Variants in RBM47 observed in about 807,000 individuals in gnomAD.
The protein encoded by RBM47 is RNA-binding protein 47.
RBM47 carries 21 observed loss-of-function variants against 47.1 expected under a neutral mutation model. The observed-to-expected ratio is 0.45, with a 90% CI of 0.32 to 0.64. The LOEUF (loss-of-function observed/expected upper bound fraction) is 0.64. RBM47 is among the 30% of genes least tolerant of loss of function. RBM47 has a pLI of 0.05. For missense variants in RBM47, 708 were observed against 870.9 expected (o/e 0.81, Z 2.35); for synonymous variants, 375 against 361.7 (o/e 1.04, Z -0.42).
chr4:40,575,640 G>C (rs75040643), intron 1 of RBM47, among the ~76,000 whole-genome samples: 3,646 of 151,908 alleles, frequency 0.024, 65 homozygotes, highest in Non-Finnish European at 0.036. Flanking sequence ...AATACTTAAT[G>C]GTTTTGTCCT....
chr4:40,467,489 T>A (rs1718232059), intron 2 of RBM47, among the ~76,000 whole-genome samples: 1 of 151,846 alleles, frequency 6.6e-6, no homozygotes, highest in Non-Finnish European at 1.5e-5. Flanking sequence ...TGGGGTTTCA[T>A]CATGTTGGCC....
At chr4:40,509,834 G>A (rs1268334052) in intron 2 of RBM47, among the ~76,000 whole-genome samples, 1 of 151,632 alleles carries the variant, frequency 6.6e-6, no homozygotes, top group East Asian at 1.9e-4. Context: ...AGTGAGCGGA[G>A]ATTGCGCCAC....
At chr4:40,590,115 G>C (rs543895558) in intron 1 of RBM47, among the ~76,000 whole-genome samples, 6 of 152,342 alleles carry the variant, frequency 3.9e-5, no homozygotes, top group African/African-American at 1.4e-4. Context: ...AGAGTTGCCA[G>C]ATCGGGGAAT....
rs555207429 is a variant in RBM47, at chr4:40,570,186, G to A, written c.-239-25680C>T. Among the ~76,000 whole-genome samples the A allele has an allele frequency of 1.3e-5, 2 of 151,888 alleles. 1 individual carries two copies. Among genetic ancestry groups the A allele is most frequent in the Non-Finnish European group, 2.9e-5 (2 of 67,868 alleles). On this transcript the variant is annotated intron_variant, in intron 1 of 6. Transcript: ENST00000295971. ...AGGGGTGAGAATGGTGAAGGGAGAAGTGATGGTTTGGGGATGATTCAAGCA... is the reference window on the plus strand; with the variant it reads ...AGGGGTGAGAATGGTGAAGGGAGAAATGATGGTTTGGGGATGATTCAAGCA...
At chr4:40,526,258 C>T (rs1022117952) in intron 2 of RBM47, among the ~76,000 whole-genome samples, 2 of 152,150 alleles carry the variant, frequency 1.3e-5, no homozygotes, top group African/African-American at 4.8e-5. Flanking sequence ...TGTAGTATTT[C>T]AATACAAAGC....
Position 40,593,089 on chromosome 4 carries a change from G to C in RBM47, c.-240+36307C>G, listed in dbSNP as rs534180053. 3.8e-4 allele frequency among the ~76,000 whole-genome samples: 52 copies of C among 137,438 alleles called. 1 individual carries two copies. In the South Asian group the frequency reaches 5.1e-3, roughly 14 times the overall value. The allele number at this position is 137,438 out of a possible 152,430, so 90.2% of individuals were successfully genotyped here. ...TGGCTCACTGCAAGTCCGCCTCCCAGGTTCACGCCATTCTCCTGCCTCAGC... is the reference window on the plus strand; with the variant it reads ...TGGCTCACTGCAAGTCCGCCTCCCACGTTCACGCCATTCTCCTGCCTCAGC... On this transcript the variant is annotated intron_variant, in intron 1 of 6. Coordinates refer to ENST00000295971, the MANE Select transcript of RBM47 (RefSeq NM_001098634.2).
At chr4:40,432,203 T>TACACACACACACACACACAC (rs61008905) in intron 6 of RBM47, among the ~76,000 whole-genome samples, 1 of 147,722 alleles carries the variant, frequency 6.8e-6, no homozygotes, top group African/African-American at 2.5e-5. Flanking sequence ...TCTCTCTCTT[T>TACACACACACACACACACAC]ACACACACAC....
chr4:40,576,400 C>A (rs541069766), intron 1 of RBM47, among the ~76,000 whole-genome samples: 5 of 151,980 alleles, frequency 3.3e-5, no homozygotes, highest in African/African-American at 1.2e-4. Flanking sequence ...AGCAACATAG[C>A]AACAGCCACC....
At chr4:40,575,540 G>A (rs1577992682) in intron 1 of RBM47, among the ~76,000 whole-genome samples, 3 of 69,244 alleles carry the variant, frequency 4.3e-5, no homozygotes, top group Admixed American at 3.5e-4. Context: ...CAACAAGAGC[G>A]AAACTCCATC....
Position 40,438,779 on chromosome 4 carries a change from T to A in RBM47, c.115A>T (p.Met39Leu). The change falls in exon 4 of 7, where the codon ATG (methionine) becomes TTG (leucine). Residue 39 changes from methionine to leucine, a missense_variant. Coordinates refer to ENST00000295971, the MANE Select transcript of RBM47 (RefSeq NM_001098634.2). ...APNEAALLAL[M>L]ERTGYSMVQE... ...ACCATGCTGTAGCCCGTGCGCTCCA[T>A]CAGCGCCAGCAGTGCTGCCTCGTTG... 1 of 1,563,308 alleles carries A rather than the reference T, an allele frequency of 6.4e-7. No homozygotes were observed. The highest frequency in any genetic ancestry group is 2.4e-5 in the East Asian group (1 of 42,542).
chr4:40,511,089 A>G (rs966288845), intron 2 of RBM47, among the ~76,000 whole-genome samples: 1 of 152,158 alleles, frequency 6.6e-6, no homozygotes. Flanking sequence ...CATCCTGCAA[A>G]AAGCAAAACC....
intron 3 of RBM47, among the ~76,000 whole-genome samples, chr4:40,439,387 C>G (rs116292153): frequency 2.1e-3 from 322 of 152,202 alleles, no homozygotes; most frequent in African/African-American, 7.4e-3. Context: ...AATGGAAATA[C>G]AGTGAAGATT....
At position 40,575,552 on chromosome 4, in the gene RBM47, C is replaced by CAAAAA. The variant is rs33963787; in HGVS notation, c.-239-31051_-239-31047dup. Reference sequence around the variant, plus strand: ...GGGCAACAAGAGCGAAACTCCATCTCAAAAAAAAAAAAAAAACTACCAAGG... The same window carrying CAAAAA: ...GGGCAACAAGAGCGAAACTCCATCTCAAAAAAAAAAAAAAAAAAAAACTACCAAGG... On this transcript the variant is annotated intron_variant, in intron 1 of 6. Coordinates refer to ENST00000295971, the MANE Select transcript of RBM47 (RefSeq NM_001098634.2). Among the ~76,000 whole-genome samples the CAAAAA allele has an allele frequency of 2.9e-4, 29 of 98,366 alleles. 1 individual carries two copies. The highest frequency in any genetic ancestry group is 5.6e-4 in the Non-Finnish European group (26 of 46,252). The allele number at this position is 98,366 out of a possible 152,430, so 64.5% of individuals were successfully genotyped here. A position where few individuals can be genotyped will look rare whatever the true frequency, so the allele number is the denominator to read the frequency against.
At chr4:40,516,704 ACAGGCCAGGGGCTGAG>A (rs1725620569) in intron 2 of RBM47, among the ~76,000 whole-genome samples, 2 of 152,230 alleles carry the variant, frequency 1.3e-5, no homozygotes, top group Admixed American at 1.3e-4. Context: ...GCCATTGCTG[ACAGGCCAGGGGCTGAG>A]GTGGCCTTTC....
chr4:40,506,360 T>C (rs1724101109), intron 2 of RBM47, among the ~76,000 whole-genome samples: 1 of 152,192 alleles, frequency 6.6e-6, no homozygotes, highest in Non-Finnish European at 1.5e-5. Context: ...TATGCAAATT[T>C]CCCTCCAAGG....
At chr4:40,429,823 T>C (rs1235174960) in intron 6 of RBM47, among the ~76,000 whole-genome samples, 5 of 150,202 alleles carry the variant, frequency 3.3e-5, no homozygotes, top group African/African-American at 1.2e-4. Context: ...ATTGGCTAAA[T>C]AGGAACACCC....
intron 2 of RBM47, among the ~76,000 whole-genome samples, chr4:40,532,972 T>A (rs1041850390): frequency 6.6e-6 from 1 of 152,094 alleles, no homozygotes; most frequent in South Asian, 2.1e-4. Flanking sequence ...CTGTAGTTCA[T>A]GGGACAGGAT....
intron 3 of RBM47, among the ~76,000 whole-genome samples, chr4:40,462,919 C>T (rs193110408): frequency 6.6e-5 from 10 of 152,154 alleles, no homozygotes; most frequent in African/African-American, 2.4e-4. Flanking sequence ...ACCCCAAAAG[C>T]ACAGCAACAA....
chr4:40,501,945 T>C (rs945918776), intron 2 of RBM47: 1 of 153,178 alleles, frequency 6.5e-6, no homozygotes, highest in Admixed American at 6.5e-5. Context: ...AGAGGCAGAA[T>C]TCCCTTTCTG....
Sources: allele counts gnomAD v4.1 joint callset (sites outside exome capture counted in the v4.1 genomes callset), GRCh38; gene constraint gnomAD v4.1.1; transcripts MANE v1.5; gene names NCBI Gene and HGNC (gene_info 2026-07-23, HGNC 2026-07-21).